MORC1: variants seen among roughly 807,000 people sequenced by gnomAD.
The protein encoded by MORC1 is MORC family CW-type zinc finger protein 1.
MORC1 carries 59 observed loss-of-function variants against 134.9 expected under a neutral mutation model. The ratio of observed to expected loss-of-function variants is 0.44; its 90% confidence interval spans 0.35 to 0.54. The LOEUF is 0.54. MORC1 is among the 20% of genes least tolerant of loss of function. The pLI is 0.00. For synonymous variants in MORC1, 395 were observed against 391.7 expected, an observed-to-expected ratio of 1.01 and a Z score of -0.10; for missense variants, 947 against 1,134.5, an observed-to-expected ratio of 0.83 and a Z score of 2.37.
chr3:109,069,557 C>T (rs999735469), intron 9 of MORC1, 75 bp downstream of exon 9: 1 of 1,390,184 alleles, frequency 7.2e-7, no homozygotes, highest in Non-Finnish European at 9.6e-7. Context: ...AATGTCCTCA[C>T]TTTGACAACT....
At chr3:109,117,673 G>T (rs922330885) in intron 1 of MORC1, among the ~76,000 whole-genome samples, 3 of 152,194 alleles carry the variant, frequency 2.0e-5, no homozygotes, top group Non-Finnish European at 4.4e-5. Context: ...TAAATTGTCA[G>T]TGTGTTAGGC....
chr3:108,996,286 G>GCGCGCGCGCACACACA, intron 21 of MORC1, among the ~76,000 whole-genome samples: 3 of 146,382 alleles, frequency 2.0e-5, no homozygotes, highest in Admixed American at 6.8e-5. Flanking sequence ...GCGCGCGCGC[G>GCGCGCGCGCACACACA]CACACACACA....
At chr3:108,976,372 T>C (rs929082961) in intron 24 of MORC1, among the ~76,000 whole-genome samples, 1 of 152,204 alleles carries the variant, frequency 6.6e-6, no homozygotes, top group Non-Finnish European at 1.5e-5. Context: ...TTCTTTATAC[T>C]TTATACCCTT....
intron 23 of MORC1, 97 bp downstream of exon 23, chr3:108,984,619 C>T (rs1305379676): frequency 2.1e-6 from 2 of 937,282 alleles, no homozygotes; most frequent in African/African-American, 1.7e-5. Flanking sequence ...GCTTTTGTTG[C>T]TATTATTTCC....
At chr3:108,963,634 A>G in intron 26 of MORC1, 26 bp from the exon 27 acceptor site, 1 of 1,427,768 alleles carries the variant, frequency 7.0e-7, no homozygotes, top group Non-Finnish European at 9.5e-7. Context: ...AAACAGTTTT[A>G]GCATGTTTTT....
chr3:109,110,662 G>T, intron 3 of MORC1, 87 bp downstream of exon 3: 3 of 1,093,292 alleles, frequency 2.7e-6, no homozygotes, highest in South Asian at 2.9e-5. Flanking sequence ...TATAGAATGT[G>T]GTTTTATTTC....
chr3:109,115,253 T>C (rs1951244664), intron 1 of MORC1, among the ~76,000 whole-genome samples: 1 of 152,052 alleles, frequency 6.6e-6, no homozygotes, highest in African/African-American at 2.4e-5. Context: ...ATACATCTGC[T>C]CTTCTATACA....
chr3:109,009,596 G>T (rs1948634944), intron 17 of MORC1, among the ~76,000 whole-genome samples: 1 of 152,166 alleles, frequency 6.6e-6, no homozygotes, highest in Non-Finnish European at 1.5e-5. Flanking sequence ...TCCTTTCCAT[G>T]AGGATCTTAC....
Position 109,040,494 on chromosome 3 carries a change from A to AAAGGAAGGAAAGG in MORC1, c.1331-5027_1331-5026insCCTTTCCTTCCTT, listed in dbSNP as rs1576666330. 5.9e-5 allele frequency among the ~76,000 whole-genome samples: 7 copies of AAAGGAAGGAAAGG among 118,510 alleles called. No individual in the cohort carries two copies. In the East Asian group the frequency reaches 2.3e-3, roughly 39 times the overall value. 77.7% of individuals were successfully genotyped at this position (118,510 alleles called of 152,430 possible). On this transcript the variant is annotated intron_variant, in intron 14 of 27. Transcript: ENST00000232603. ...AAAGAAAGAAAGAAAGAAAGGAAAG[A>AAAGGAAGGAAAGG]AAAGAAAGGAAGGAAGGAAGAAAGA...
At chr3:109,030,425 T>TAC (rs1468773407) in intron 16 of MORC1, among the ~76,000 whole-genome samples, 2 of 152,184 alleles carry the variant, frequency 1.3e-5, no homozygotes, top group African/African-American at 2.4e-5. Context: ...TCATCATATC[T>TAC]ACATCACTGT....
intron 17 of MORC1, among the ~76,000 whole-genome samples, chr3:109,025,008 T>C (rs1002150637): frequency 3.3e-5 from 5 of 152,154 alleles, no homozygotes; most frequent in Non-Finnish European, 7.3e-5. Context: ...CACCAAAACA[T>C]AGTTTCTGAA....
intron 3 of MORC1, 117 bp downstream of exon 3, chr3:109,110,632 C>A: frequency 1.1e-6 from 1 of 874,386 alleles, no homozygotes; most frequent in South Asian, 1.7e-5. Flanking sequence ...CCACAAAGCA[C>A]TTAGATTACA....
At chr3:108,996,286 G>GCACACACACACACA (rs66629906) in intron 21 of MORC1, among the ~76,000 whole-genome samples, 126 of 146,468 alleles carry the variant, frequency 8.6e-4, no homozygotes, top group African/African-American at 1.6e-3. Flanking sequence ...GCGCGCGCGC[G>GCACACACACACACA]CACACACACA....
chr3:108,977,329 C>A (rs527248019), intron 24 of MORC1, among the ~76,000 whole-genome samples: 1 of 152,116 alleles, frequency 6.6e-6, no homozygotes, highest in East Asian at 1.9e-4. Flanking sequence ...TGGGTGGATG[C>A]CTGAAATATA....
In MORC1 at chr3:109,037,778, T is replaced by C. The variant is rs542130222; in HGVS notation, c.1331-2310A>G. Among the ~76,000 whole-genome samples the C allele has an allele frequency of 2.1e-5, 3 of 145,534 alleles. No homozygotes were observed. The South Asian group carries it at 6.5e-4, about 32-fold the overall frequency. Reference sequence around the variant, plus strand: ...CCCTGCAAAGGATATGAACTCATCCTTTTTTATGGCAGCATAGTATTCCAT... The same window carrying C: ...CCCTGCAAAGGATATGAACTCATCCCTTTTTATGGCAGCATAGTATTCCAT... On this transcript the variant is annotated intron_variant, in intron 14 of 27. Transcript: ENST00000232603.
chr3:109,005,386 A>G (rs1948514902), intron 18 of MORC1, 71 bp from the exon 19 acceptor site: 1 of 1,379,580 alleles, frequency 7.2e-7, no homozygotes, highest in African/African-American at 1.5e-5. Context: ...CACTTCTCTC[A>G]TAACCTCATT....
At chr3:108,990,709 C>T (rs1210696984) in intron 21 of MORC1, among the ~76,000 whole-genome samples, 1 of 152,044 alleles carries the variant, frequency 6.6e-6, no homozygotes, top group African/African-American at 2.4e-5. Flanking sequence ...CTGTTTTTAC[C>T]CCTGCTGGAT....
At chr3:109,060,157 A>T (rs746545659) in intron 11 of MORC1, among the ~76,000 whole-genome samples, 2 of 152,132 alleles carry the variant, frequency 1.3e-5, no homozygotes, top group Non-Finnish European at 2.9e-5. Flanking sequence ...GCTTTGACAA[A>T]AACTACATGA....
At chr3:109,020,192 T>C (rs1300611316) in intron 17 of MORC1, among the ~76,000 whole-genome samples, 1 of 152,266 alleles carries the variant, frequency 6.6e-6, no homozygotes, top group African/African-American at 2.4e-5. Context: ...CCTGTTCAGA[T>C]GCATTTTAAG....
Sources: gnomAD v4.1 joint callset for allele counts (sites outside exome capture counted in the v4.1 genomes callset) on GRCh38, gnomAD v4.1.1 for gene constraint, MANE v1.5 for transcripts, NCBI Gene and HGNC (gene_info 2026-07-23, HGNC 2026-07-21) for gene names.